The following CDH8 variants were observed in gnomAD, a reference collection of about 807,000 sequenced individuals.
CDH8 encodes the protein cadherin 8, also known as cadherin-8.
In CDH8, 17 loss-of-function variants were observed where a neutral mutation model predicts 68.1. That is an observed-to-expected ratio of 0.25 (90% CI 0.17 to 0.37). The LOEUF is 0.37. CDH8 is among the 10% of genes least tolerant of loss of function. The pLI is 1.00. For synonymous variants in CDH8, 372 were observed against 365.1 expected, an observed-to-expected ratio of 1.02 and a Z score of -0.21; for missense variants, 763 against 999.3, an observed-to-expected ratio of 0.76 and a Z score of 3.19.
At chr16:61,913,829 AAT>A (rs996604171) in intron 2 of CDH8, among the ~76,000 whole-genome samples, 6 of 152,206 alleles carry the variant, frequency 3.9e-5, no homozygotes, top group Admixed American at 6.5e-5. Flanking sequence ...ATTTTATGAA[AAT>A]AGAGTATTTT....
intron 4 of CDH8, among the ~76,000 whole-genome samples, chr16:61,833,823 G>A (rs980762894): frequency 6.6e-6 from 1 of 151,848 alleles, no homozygotes; most frequent in Non-Finnish European, 1.5e-5. Context: ...TGTCTCAGCT[G>A]CCAAGAAGTC....
At chr16:61,912,656 A>G (rs373130032) in intron 2 of CDH8, among the ~76,000 whole-genome samples, 12 of 152,144 alleles carry the variant, frequency 7.9e-5, no homozygotes, top group African/African-American at 2.9e-4. Flanking sequence ...AGTGAAAATC[A>G]AAAGACCTGG....
chr16:61,990,980 A>G (rs1398769117), intron 2 of CDH8, among the ~76,000 whole-genome samples: 2 of 151,982 alleles, frequency 1.3e-5, no homozygotes, highest in Non-Finnish European at 2.9e-5. Context: ...AGAGAAAGAA[A>G]GGAAGGAAGA....
At chr16:61,856,971 T>C in intron 4 of CDH8, 148 bp downstream of exon 4, 1 of 866,380 alleles carries the variant, frequency 1.2e-6, no homozygotes, top group South Asian at 1.5e-5. Context: ...GTTGTAGGGC[T>C]CACTGTGTAC....
intron 2 of CDH8, among the ~76,000 whole-genome samples, chr16:61,993,809 C>A (rs567077633): frequency 1.2e-3 from 184 of 152,092 alleles, no homozygotes; most frequent in African/African-American, 4.3e-3. Flanking sequence ...CTTCTGTGTA[C>A]ACAAATAAAA....
At position 61,710,328 on chromosome 16, in the gene CDH8, AATCT is replaced by A. The variant is rs531427697; in HGVS notation, c.1654+3509_1654+3512del. On this transcript the variant is annotated intron_variant, in intron 10 of 11. Transcript: ENST00000577390. ...AACTAGGCCACTCGGTTGAGACAGA[AATCT>A]ATCAGACAATGCATAAATTATACTC... Among the ~76,000 whole-genome samples, 44 of 152,252 alleles carry A rather than the reference AATCT, an allele frequency of 2.9e-4. No homozygotes were observed. In the East Asian group the frequency reaches 8.3e-3, roughly 29 times the overall value.
rs1007774271 is a variant in CDH8, at chr16:61,971,066, C to T, written c.252+50086G>A. Among the ~76,000 whole-genome samples, 14 of 152,236 alleles carry T rather than the reference C, an allele frequency of 9.2e-5. No homozygotes were observed. The East Asian group carries it at 2.5e-3, about 27-fold the overall frequency. On this transcript the variant is annotated intron_variant, in intron 2 of 11. Transcript: ENST00000577390. ...AAGGTTCTTTGTAATTCTCCCCACC[C>T]TTGAGAATGTACTTTGTGAGATCCA...
At chr16:61,661,831 A>AT (rs1264765065) in intron 10 of CDH8, among the ~76,000 whole-genome samples, 2 of 151,700 alleles carry the variant, frequency 1.3e-5, no homozygotes, top group African/African-American at 4.8e-5. Context: ...CAAATAAAGG[A>AT]TTTTATTCAT....
At position 61,971,748 on chromosome 16, in the gene CDH8, G is replaced by A. The variant is rs565443329; in HGVS notation, c.252+49404C>T. Among the ~76,000 whole-genome samples the A allele has an allele frequency of 3.7e-4, 56 of 152,256 alleles. 2 individuals are homozygous for A. The South Asian group carries it at 0.011, about 29-fold the overall frequency. On this transcript the variant is annotated intron_variant, in intron 2 of 11. Coordinates refer to ENST00000577390, the MANE Select transcript of CDH8 (RefSeq NM_001796.5). Reference sequence around the variant, plus strand: ...TGTCTTTCCTGTGACCAGCTCCCACGCTAGAGCTGCATAAGAGCTGCCAGC... The same window carrying A: ...TGTCTTTCCTGTGACCAGCTCCCACACTAGAGCTGCATAAGAGCTGCCAGC...
At chr16:61,809,618 A>T (rs1222789257) in intron 7 of CDH8, among the ~76,000 whole-genome samples, 2 of 152,236 alleles carry the variant, frequency 1.3e-5, no homozygotes, top group East Asian at 1.9e-4. Flanking sequence ...AAAAGAAAAA[A>T]GGTGAAATTT....
At chr16:61,967,894 C>T (rs778009054) in intron 2 of CDH8, among the ~76,000 whole-genome samples, 6 of 152,244 alleles carry the variant, frequency 3.9e-5, no homozygotes, top group African/African-American at 1.2e-4. Context: ...TAGCAACCTC[C>T]GCCTCCTGGG....
At chr16:61,916,030 T>A (rs1378390512) in intron 2 of CDH8, among the ~76,000 whole-genome samples, 1 of 152,228 alleles carries the variant, frequency 6.6e-6, no homozygotes, top group Non-Finnish European at 1.5e-5. Flanking sequence ...AACCTTTCTT[T>A]GCACATTCAA....
chr16:61,992,077 T>TGTGTGTGTGTGTGTGAGAGA (rs34925928), intron 2 of CDH8, among the ~76,000 whole-genome samples: 36 of 144,126 alleles, frequency 2.5e-4, no homozygotes, highest in African/African-American at 8.3e-4. Context: ...TGTGTGTGTG[T>TGTGTGTGTGTGTGTGAGAGA]GAGAGAGAGA....
intron 3 of CDH8, among the ~76,000 whole-genome samples, chr16:61,897,707 T>C (rs1963894261): frequency 6.6e-6 from 1 of 152,168 alleles, no homozygotes; most frequent in South Asian, 2.1e-4. Flanking sequence ...GCTGTATGTT[T>C]TGTGGGCAGC....
At chr16:61,746,161 T>C (rs1319721339) in intron 8 of CDH8, among the ~76,000 whole-genome samples, 7 of 152,118 alleles carry the variant, frequency 4.6e-5, no homozygotes, top group Admixed American at 4.6e-4. Flanking sequence ...CATGTTAAGA[T>C]GTGGCCAATT....
intron 2 of CDH8, among the ~76,000 whole-genome samples, chr16:61,945,489 T>A (rs9933599): frequency 0.49 from 74,349 of 150,918 alleles, 20,417 homozygotes; most frequent in African/African-American, 0.75. Flanking sequence ...ATATGTCATC[T>A]TTCTTACCCT....
intron 8 of CDH8, among the ~76,000 whole-genome samples, chr16:61,737,746 G>T (rs1214536476): frequency 6.6e-6 from 1 of 151,986 alleles, no homozygotes; most frequent in African/African-American, 2.4e-5. Context: ...TTACAGTATT[G>T]TTTTTATGCA....
chr16:61,801,722 CGGGT>C (rs1961642541), intron 7 of CDH8, among the ~76,000 whole-genome samples: 1 of 152,156 alleles, frequency 6.6e-6, no homozygotes, highest in African/African-American at 2.4e-5. Flanking sequence ...CCTGGAAAAT[CGGGT>C]CACTCCCACC....
intron 2 of CDH8, among the ~76,000 whole-genome samples, chr16:61,957,626 A>G (rs1965008588): frequency 6.6e-6 from 1 of 152,230 alleles, no homozygotes; most frequent in Non-Finnish European, 1.5e-5. Context: ...ATGCTCACAC[A>G]TGCACACGCA....
Sources: gnomAD v4.1 joint callset for allele counts (sites outside exome capture counted in the v4.1 genomes callset) on GRCh38, gnomAD v4.1.1 for gene constraint, MANE v1.5 for transcripts, NCBI Gene and HGNC (gene_info 2026-07-23, HGNC 2026-07-21) for gene names.